The following CFAP20DC variants were observed in gnomAD, a reference collection of about 807,000 sequenced individuals.
The protein encoded by CFAP20DC is protein CFAP20DC.
CFAP20DC carries 84 observed loss-of-function variants against 101.7 expected under a neutral mutation model. The observed-to-expected ratio is 0.83, with a 90% confidence interval of 0.69 to 0.99. CFAP20DC has a LOEUF of 0.99. Ranked by LOEUF, CFAP20DC falls within the 50% of genes least tolerant of loss-of-function variation. The pLI, the probability that CFAP20DC is intolerant of heterozygous loss-of-function variation, is 0.00. For missense variants in CFAP20DC, 1,007 were observed against 970.3 expected, an observed-to-expected ratio of 1.04 and a Z score of -0.50; for synonymous variants, 359 against 351.2, an observed-to-expected ratio of 1.02 and a Z score of -0.25.
In CFAP20DC at chr3:58,888,821, G is replaced by T. The variant is rs547377207; in HGVS notation, c.551-4112C>A. On this transcript the variant is annotated intron_variant, in intron 6 of 16. Coordinates refer to ENST00000482387, the MANE Select transcript of CFAP20DC (RefSeq NM_001394063.1). ...AGTAGAATTATTTATACTCCTTTGG[G>T]TATATACCTAGTAATGGGATTGCTG... 2.0e-5 allele frequency among the ~76,000 whole-genome samples: 3 copies of T among 152,222 alleles called. No homozygotes were observed. In the South Asian group the frequency reaches 6.2e-4, roughly 32 times the overall value.
intron 14 of CFAP20DC, among the ~76,000 whole-genome samples, chr3:58,831,269 G>A (rs2076374049): frequency 6.6e-6 from 1 of 152,194 alleles, no homozygotes; most frequent in South Asian, 2.1e-4. Context: ...GTTCTTTTCT[G>A]TCTTCATATC....
At chr3:58,980,902 C>G (rs924985811) in intron 4 of CFAP20DC, among the ~76,000 whole-genome samples, 118 of 152,234 alleles carry the variant, frequency 7.8e-4, no homozygotes, top group South Asian at 1.5e-3. Context: ...ATTAGGAAAA[C>G]AGGAAGACAA....
At chr3:59,017,583 A>G (rs1201874072) in intron 4 of CFAP20DC, 1 of 152,154 alleles carries the variant, frequency 6.6e-6, no homozygotes, top group Non-Finnish European at 1.5e-5. Context: ...CAAACAAAAC[A>G]AAAAACCCTA....
intron 13 of CFAP20DC, among the ~76,000 whole-genome samples, chr3:58,838,904 A>T (rs1162773017): frequency 5.9e-5 from 9 of 152,240 alleles, no homozygotes; most frequent in African/African-American, 1.2e-4. Context: ...TGCCATCTAC[A>T]GGGCAACTAT....
chr3:58,762,131 G>A (rs1310739472), intron 15 of CFAP20DC, among the ~76,000 whole-genome samples: 6 of 152,178 alleles, frequency 3.9e-5, no homozygotes, highest in African/African-American at 1.2e-4. Context: ...AATGTTGACA[G>A]TGGGGTGTTA....
chr3:59,040,332 T>G (rs1699248999), intron 3 of CFAP20DC, among the ~76,000 whole-genome samples: 1 of 152,096 alleles, frequency 6.6e-6, no homozygotes, highest in African/African-American at 2.4e-5. Context: ...ATTCTACAAC[T>G]GCTTAAAAAA....
In CFAP20DC at chr3:58,913,485, G is replaced by GA. The variant is rs1233215550; in HGVS notation, c.550+222dup. On this transcript the variant is annotated intron_variant, in intron 6 of 16. Transcript: ENST00000482387. This position sits in a 1 kb window ranked among gnomAD's most constrained non-coding sequence, Gnocchi z 4.4. Reference sequence around the variant, plus strand: ...AGCAAGTGTTACCATAAAGAAAAAAGAAAACAACCACAAAAAGAAGATTAA... The same window carrying GA: ...AGCAAGTGTTACCATAAAGAAAAAAGAAAAACAACCACAAAAAGAAGATTAA... 1 of 606,978 alleles carries GA rather than the reference G, an allele frequency of 1.6e-6. No individual in the cohort carries two copies. The highest frequency in any genetic ancestry group is 1.9e-5 in the African/African-American group (1 of 53,990). 37.6% of individuals were successfully genotyped at this position (606,978 alleles called of 1,614,324 possible). A position where few individuals can be genotyped will look rare whatever the true frequency, so the allele number is the denominator to read the frequency against.
intron 6 of CFAP20DC, among the ~76,000 whole-genome samples, chr3:58,889,009 T>C (rs551496068): frequency 6.6e-6 from 1 of 152,142 alleles, no homozygotes; most frequent in Admixed American, 6.5e-5. Context: ...TTACTTTTTT[T>C]TTTAATTTTA....
chr3:59,028,805 A>G (rs554619868), intron 4 of CFAP20DC, among the ~76,000 whole-genome samples: 52 of 152,336 alleles, frequency 3.4e-4, no homozygotes, highest in Non-Finnish European at 6.3e-4. Context: ...TGCTGATGTC[A>G]TAAGTGCTTA....
chr3:58,922,600 T>A (rs1253268774), intron 5 of CFAP20DC, among the ~76,000 whole-genome samples: 1 of 152,216 alleles, frequency 6.6e-6, no homozygotes, highest in Non-Finnish European at 1.5e-5. Context: ...ACTCTCACTA[T>A]CTGTGCACAG....
intron 8 of CFAP20DC, 71 bp downstream of exon 8, chr3:58,870,102 T>C (rs577072335): frequency 3.7e-6 from 2 of 547,246 alleles, no homozygotes; most frequent in East Asian, 5.8e-5. Context: ...TCCCTCCCTC[T>C]ACAAGGGGAA....
At chr3:58,806,046 G>A (rs1447806208) in intron 15 of CFAP20DC, among the ~76,000 whole-genome samples, 1 of 152,146 alleles carries the variant, frequency 6.6e-6, no homozygotes, top group African/African-American at 2.4e-5. Flanking sequence ...ATAAAGTAAT[G>A]AATAAATTAA....
intron 4 of CFAP20DC, among the ~76,000 whole-genome samples, chr3:58,940,969 C>A (rs1358680324): frequency 1.3e-5 from 2 of 152,104 alleles, no homozygotes; most frequent in African/African-American, 2.4e-5. Context: ...AGAAGCCCTG[C>A]ACATCTTTTG....
At chr3:58,921,845 TGTTA>T (rs1171248701) in intron 5 of CFAP20DC, among the ~76,000 whole-genome samples, 2 of 152,216 alleles carry the variant, frequency 1.3e-5, no homozygotes, top group Non-Finnish European at 2.9e-5. Context: ...TGTTTAGTTT[TGTTA>T]GTTTTTGCTT....
At chr3:58,989,344 G>C (rs1470117626) in intron 4 of CFAP20DC, among the ~76,000 whole-genome samples, 1 of 152,062 alleles carries the variant, frequency 6.6e-6, no homozygotes, top group African/African-American at 2.4e-5. Flanking sequence ...AATGTACTTA[G>C]TAAGAACATG....
intron 12 of CFAP20DC, among the ~76,000 whole-genome samples, chr3:58,850,994 C>T (rs1384493193): frequency 6.6e-6 from 1 of 151,222 alleles, no homozygotes; most frequent in Non-Finnish European, 1.5e-5. Flanking sequence ...CTCAGTTGGG[C>T]AGGGGACAAG....
intron 4 of CFAP20DC, among the ~76,000 whole-genome samples, chr3:59,022,364 G>A (rs1482377221): frequency 2.6e-5 from 4 of 151,974 alleles, no homozygotes; most frequent in Admixed American, 6.6e-5. Context: ...AAAAAACAGG[G>A]AATTGGATAA....
At chr3:58,949,647 A>G (rs1390139389) in intron 4 of CFAP20DC, among the ~76,000 whole-genome samples, 1 of 152,184 alleles carries the variant, frequency 6.6e-6, no homozygotes, top group Non-Finnish European at 1.5e-5. Context: ...CAGCATATAA[A>G]CAGAACCAAT....
At chr3:58,813,398 C>A (rs79567152) in intron 14 of CFAP20DC, among the ~76,000 whole-genome samples, 4,193 of 151,992 alleles carry the variant, frequency 0.028, 113 homozygotes, top group East Asian at 0.12. Flanking sequence ...AATAAGAAAT[C>A]ATTTTCAACA....
Sources: gnomAD v4.1 joint callset for allele counts (sites outside exome capture counted in the v4.1 genomes callset) on GRCh38, gnomAD v4.1.1 for gene constraint, Gnocchi (gnomAD v3.1) non-coding constraint, MANE v1.5 for transcripts, NCBI Gene and HGNC (gene_info 2026-07-23, HGNC 2026-07-21) for gene names.